The following NBEAL1 variants were observed in gnomAD, a reference collection of about 807,000 sequenced individuals.
NBEAL1 encodes the protein neurobeachin like 1.
A neutral mutation model predicts 351.3 loss-of-function variants in NBEAL1; 273 were observed. The ratio of observed to expected loss-of-function variants is 0.78; its 90% CI spans 0.70 to 0.86. NBEAL1 has a LOEUF of 0.86. NBEAL1 is among the 40% of genes least tolerant of loss of function. NBEAL1 has a pLI of 0.00. For synonymous variants in NBEAL1, 1,050 were observed against 1,086.4 expected, an observed-to-expected ratio of 0.97 and a Z score of 0.66; for missense variants, 2,961 against 3,201.3, an observed-to-expected ratio of 0.92 and a Z score of 1.81.
At chr2:203,194,899 A>C (rs566807831) in intron 47 of NBEAL1, among the ~76,000 whole-genome samples, 1 of 152,192 alleles carries the variant, frequency 6.6e-6, no homozygotes, top group Non-Finnish European at 1.5e-5. Context: ...TATGAGTTTT[A>C]TAACAGTTAA....
chr2:203,115,130 C>CTT (rs879546697), intron 17 of NBEAL1, among the ~76,000 whole-genome samples: 3 of 132,940 alleles, frequency 2.3e-5, no homozygotes, highest in Non-Finnish European at 3.3e-5. Context: ...TAATTTCTTT[C>CTT]TTTTTTTTTT....
intron 19 of NBEAL1, among the ~76,000 whole-genome samples, chr2:203,123,142 A>AC (rs1232586270): frequency 6.6e-6 from 1 of 151,264 alleles, no homozygotes; most frequent in Non-Finnish European, 1.5e-5. Context: ...TCAGGAAAAA[A>AC]AAAAAAACTT....
At chr2:203,155,079 T>C (rs530690125) in intron 35 of NBEAL1, among the ~76,000 whole-genome samples, 6 of 151,604 alleles carry the variant, frequency 4.0e-5, no homozygotes. Context: ...ACCTCATCTC[T>C]ACAAAACAAA....
intron 8 of NBEAL1, among the ~76,000 whole-genome samples, chr2:203,079,214 G>A (rs1026836557): frequency 9.2e-5 from 14 of 152,098 alleles, no homozygotes; most frequent in Non-Finnish European, 1.5e-4. Flanking sequence ...AAGGAGCTGG[G>A]ACTACAGGTG....
chr2:203,128,843 G>T (rs1052197656), intron 24 of NBEAL1, among the ~76,000 whole-genome samples: 1 of 151,984 alleles, frequency 6.6e-6, no homozygotes, highest in Non-Finnish European at 1.5e-5. Context: ...TGATCCGCCC[G>T]CCTCGGCCTC....
intron 6 of NBEAL1, among the ~76,000 whole-genome samples, chr2:203,066,740 G>T (rs1367355441): frequency 2.0e-5 from 3 of 149,884 alleles, no homozygotes; most frequent in Non-Finnish European, 4.5e-5. Context: ...ACCAGACGGG[G>T]TGGCAGCTGG....
intron 48 of NBEAL1, 44 bp from the exon 49 acceptor site, chr2:203,199,294 C>G (rs192778960): frequency 1.7e-6 from 2 of 1,151,168 alleles, no homozygotes; most frequent in East Asian, 2.4e-5. Context: ...GGCTGCTTTC[C>G]TTAATATTTC....
intron 7 of NBEAL1, chr2:203,074,674 C>T: frequency 6.5e-6 from 1 of 154,428 alleles, no homozygotes; most frequent in Non-Finnish European, 1.4e-5. Flanking sequence ...AATTAACCTG[C>T]TGGACTCAGT....
intron 34 of NBEAL1, 117 bp downstream of exon 34, chr2:203,149,265 G>GCACC: frequency 3.0e-6 from 2 of 663,618 alleles, no homozygotes; most frequent in Non-Finnish European, 4.9e-6. Flanking sequence ...ATAAAAGGGT[G>GCACC]CTTTTAATCT....
rs1319962923 is a variant in NBEAL1, at chr2:203,224,872, T to C, written c.*7518T>C. ...GTATAAATAATTTTGATTATTCTCATTGTAGTTAAGTTACTGTTAGTTTGG... is the reference window on the plus strand; with the variant it reads ...GTATAAATAATTTTGATTATTCTCACTGTAGTTAAGTTACTGTTAGTTTGG... On this transcript the variant is annotated 3_prime_UTR_variant, in exon 56 of 56. Transcript: ENST00000683969. 6.6e-6 allele frequency among the ~76,000 whole-genome samples: 1 copy of C among 152,184 alleles called. No individual in the cohort carries two copies. Among genetic ancestry groups the C allele is most frequent in the African/African-American group, 2.4e-5 (1 of 41,452 alleles).
chr2:203,015,489 C>T (rs1440606344), intron 1 of NBEAL1, among the ~76,000 whole-genome samples: 1 of 151,102 alleles, frequency 6.6e-6, no homozygotes, highest in Admixed American at 6.6e-5. Context: ...CAGACGGAGT[C>T]TTGCTCTGTC....
At chr2:203,043,885 G>A (rs1465561667) in intron 3 of NBEAL1, among the ~76,000 whole-genome samples, 2 of 152,124 alleles carry the variant, frequency 1.3e-5, no homozygotes, top group African/African-American at 4.8e-5. Flanking sequence ...GGAGAATTGA[G>A]TCTAGAGAAT....
intron 31 of NBEAL1, among the ~76,000 whole-genome samples, chr2:203,144,092 T>G (rs949606625): frequency 3.3e-5 from 5 of 150,564 alleles, no homozygotes; most frequent in African/African-American, 1.2e-4. Context: ...GCGCCTGTAA[T>G]CCCAGCTACT....
At chr2:203,133,997 T>C (rs2063138913) in intron 27 of NBEAL1, among the ~76,000 whole-genome samples, 1 of 152,136 alleles carries the variant, frequency 6.6e-6, no homozygotes, top group Non-Finnish European at 1.5e-5. Flanking sequence ...TGAATGTCTT[T>C]TTATGTTTTC....
chr2:203,169,885 C>T (rs755045863), intron 39 of NBEAL1, 34 bp downstream of exon 39: 1 of 1,214,756 alleles, frequency 8.2e-7, no homozygotes, highest in Admixed American at 2.2e-5. Flanking sequence ...ATGAACTGTT[C>T]TGCTCTTCAT....
intron 31 of NBEAL1, among the ~76,000 whole-genome samples, chr2:203,143,782 A>G (rs1220386688): frequency 2.6e-5 from 4 of 152,220 alleles, no homozygotes; most frequent in Non-Finnish European, 5.9e-5. Flanking sequence ...GAGGTTGTTC[A>G]TATGAGCAAC....
intron 45 of NBEAL1, 107 bp from the exon 46 acceptor site, chr2:203,190,166 ACACACACACACACACACAC>A: frequency 1.3e-4 from 1 of 7,952 alleles, no homozygotes; most frequent in Non-Finnish European, 6.8e-4. Context: ...GTGTACACAC[ACACACACACACACACACAC>A]ACACACACAC....
Position 203,107,479 on chromosome 2 carries a change from T to TATAAAATC in NBEAL1, c.1329_1330insATAAAATC (p.Gln444IlefsTer14). ...TGCTTGAAGTATTAAAATCCCTGGG[T>TATAAAATC]CAGCCACCACTGGAATTACTTAAAG... On this transcript the variant is annotated frameshift_variant, in exon 13 of 56. Transcript: ENST00000683969. LOFTEE classifies it high-confidence loss of function. The TATAAAATC allele has an allele frequency of 6.4e-7, 1 of 1,551,586 alleles. No individual in the cohort carries two copies. The highest frequency in any genetic ancestry group is 8.7e-7 in the Non-Finnish European group (1 of 1,146,522).
chr2:203,168,624 G>A (rs570737065), intron 38 of NBEAL1, among the ~76,000 whole-genome samples: 1 of 151,100 alleles, frequency 6.6e-6, no homozygotes, highest in South Asian at 2.1e-4. Context: ...GGCTGGGTAC[G>A]ATAGCTCACG....
Sources: gnomAD v4.1 joint callset for allele counts (sites outside exome capture counted in the v4.1 genomes callset) on GRCh38, gnomAD v4.1.1 for gene constraint, MANE v1.5 for transcripts, NCBI Gene and HGNC (gene_info 2026-07-23, HGNC 2026-07-21) for gene names.